The following UBE2O variants were observed in gnomAD, a reference collection of about 807,000 sequenced individuals.
The protein encoded by UBE2O is ubiquitin conjugating enzyme E2 O.
A neutral mutation model predicts 125.8 loss-of-function variants in UBE2O; 15 were observed. The observed-to-expected ratio is 0.12, with a 90% CI of 0.08 to 0.18. The LOEUF is 0.18. UBE2O is among the 10% of genes least tolerant of loss of function. The pLI is 1.00. For missense variants in UBE2O, 1,280 were observed against 1,723.6 expected (o/e 0.74, Z 4.56); for synonymous variants, 708 against 703.2 (o/e 1.01, Z -0.11).
chr17:76,445,579 TG>T (rs1378941416), intron 1 of UBE2O, among the ~76,000 whole-genome samples: 22 of 152,334 alleles, frequency 1.4e-4, no homozygotes, highest in African/African-American at 5.3e-4. Flanking sequence ...ACAGCCTACC[TG>T]TGTCTAGGGG....
At chr17:76,421,990 G>A (rs2072720065) in intron 1 of UBE2O, among the ~76,000 whole-genome samples, 1 of 152,188 alleles carries the variant, frequency 6.6e-6, no homozygotes, top group South Asian at 2.1e-4. Context: ...CCCAGGTGGA[G>A]GAAAATGGGA....
rs1308079377 is a variant in UBE2O at position 76,402,840 on chromosome 17, T to C, written c.589-141A>G. 9 of 681,408 alleles carry C rather than the reference T, an allele frequency of 1.3e-5. No individual in the cohort carries two copies. Among genetic ancestry groups the C allele is most frequent in the Non-Finnish European group, 2.3e-5 (9 of 386,452 alleles). 42.2% of individuals were successfully genotyped at this position (681,408 alleles called of 1,614,324 possible). A position where few individuals can be genotyped will look rare whatever the true frequency, so the allele number is the denominator to read the frequency against. On this transcript the variant is annotated intron_variant, in intron 3 of 17. Coordinates refer to ENST00000319380, the MANE Select transcript of UBE2O (RefSeq NM_022066.4). The surrounding 1 kb of genome is among the most constrained non-coding windows in gnomAD (Gnocchi z 5.4). ...GACTGGACCGGTTGGCTACTAGCCC[T>C]AAACAGCTGCTGCAGCAGGCCCTCC...
At chr17:76,442,196 C>T (rs1326155311) in intron 1 of UBE2O, among the ~76,000 whole-genome samples, 1 of 152,190 alleles carries the variant, frequency 6.6e-6, no homozygotes, top group East Asian at 1.9e-4. Flanking sequence ...GCCTGGGGAG[C>T]CCGCGACGGA....
chr17:76,391,581 C>T lies in UBE2O; in HGVS notation c.3241G>A (p.Glu1081Lys). 1 of 1,614,030 alleles carries T rather than the reference C, an allele frequency of 6.2e-7. No homozygotes were observed. The highest frequency in any genetic ancestry group is 1.7e-5 in the Admixed American group (1 of 60,018). ...LILVNEPYYN[E>K]AGFDSDRGLQ... The stretch of plus-strand genomic sequence containing the variant: ...CCTCGGTCACTGTCGAAGCCGGCTT[C>T]GTTGTAGTATGGTTCATTTACCAGG... The change falls in exon 18 of 18, where the codon GAA (glutamate) becomes AAA (lysine). Residue 1081 changes from glutamate (E) to lysine (K), a missense_variant. Around this residue, in one of 10 missense-constraint regions of UBE2O, gnomAD observed 37 missense variants for 115.6 expected, o/e 0.32. Coordinates refer to ENST00000319380, the MANE Select transcript of UBE2O (RefSeq NM_022066.4). The surrounding 1 kb of genome is among the most constrained non-coding windows in gnomAD (Gnocchi z 8.4).
chr17:76,416,035 A>G (rs1043154690), intron 1 of UBE2O, among the ~76,000 whole-genome samples: 19 of 142,648 alleles, frequency 1.3e-4, no homozygotes, highest in African/African-American at 1.6e-4. Context: ...ACACGTATAT[A>G]TGTGTGTGTA....
At chr17:76,415,826 T>TGTGTGTGTGC (rs1402880232) in intron 1 of UBE2O, among the ~76,000 whole-genome samples, 4 of 151,654 alleles carry the variant, frequency 2.6e-5, no homozygotes, top group African/African-American at 9.7e-5. Flanking sequence ...TGTGTGTGTG[T>TGTGTGTGTGC]GTGCATACAC....
Position 76,397,643 on chromosome 17 carries a change from C to T in UBE2O, c.2115+156G>A, listed in dbSNP as rs547840926. 9.2e-5 allele frequency among the ~76,000 whole-genome samples: 14 copies of T among 152,310 alleles called. No individual in the cohort carries two copies. The East Asian group carries it at 2.7e-3, about 29-fold the overall frequency. On this transcript the variant is annotated intron_variant, in intron 13 of 17. Coordinates refer to ENST00000319380, the MANE Select transcript of UBE2O (RefSeq NM_022066.4). The stretch of plus-strand genomic sequence containing the variant: ...CTGGTGGGCCAACTGCAGGCCTGCA[C>T]CAAGGGCTGTGTGGAATGCCTGCCT...
Position 76,390,636 on chromosome 17 carries a change from C to G in UBE2O, c.*307G>C. On this transcript the variant is annotated 3_prime_UTR_variant, in exon 18 of 18. Transcript: ENST00000319380. ...CAGGCCCTGGAACACCCGCCTCTGA[C>G]CTGAGAAGGGGCAGCAAGGGAGCAA... 1 of 295,126 alleles carries G rather than the reference C, an allele frequency of 3.4e-6. No homozygotes were observed. The allele number at this position is 295,126 out of a possible 1,614,324, so 18.3% of individuals were successfully genotyped here. A position where few individuals can be genotyped will look rare whatever the true frequency, so the allele number is the denominator to read the frequency against.
chr17:76,395,694 A>C lies in UBE2O; in HGVS notation c.2946+31T>G, dbSNP rs1404705854. 1.9e-6 allele frequency: 3 copies of C among 1,606,310 alleles called. No homozygotes were observed. Among genetic ancestry groups the C allele is most frequent in the Middle Eastern group, 1.7e-4 (1 of 6,028 alleles). On this transcript the variant is annotated intron_variant, in intron 15 of 17. Transcript: ENST00000319380. This position sits in a 1 kb window ranked among gnomAD's most constrained non-coding sequence, Gnocchi z 5.0. ...TGGGCACTGGGTGCCCACACAGCAC[A>C]TCTGCACCTGCCCATGCCAAGCCTA... is the stretch of plus-strand genomic sequence containing the variant.
At chr17:76,409,557 G>C (rs1039655424) in intron 1 of UBE2O, among the ~76,000 whole-genome samples, 1 of 152,074 alleles carries the variant, frequency 6.6e-6, no homozygotes, top group Non-Finnish European at 1.5e-5. Flanking sequence ...AACCATGCCC[G>C]GCTAATTTTT....
intron 1 of UBE2O, among the ~76,000 whole-genome samples, chr17:76,424,554 A>C (rs972018052): frequency 6.6e-6 from 1 of 152,050 alleles, no homozygotes; most frequent in Non-Finnish European, 1.5e-5. Flanking sequence ...GGTATCTTGG[A>C]TATATACTGA....
At chr17:76,415,845 A>G (rs2072594794) in intron 1 of UBE2O, among the ~76,000 whole-genome samples, 2 of 151,248 alleles carry the variant, frequency 1.3e-5, no homozygotes, top group South Asian at 4.2e-4. Flanking sequence ...ACATATATGT[A>G]TATACAAATA....
chr17:76,390,947 T>G lies in UBE2O; in HGVS notation c.3875A>C (p.Lys1292Thr). The stretch of plus-strand genomic sequence containing the variant: ...TCTTTCCTCTGTGCCTGGCAGCTAC[T>G]TGTCCTCTGTGCACTCCGGCATGCC... ...EAGMPECTEDK is the reference protein window; with the variant it reads ...EAGMPECTEDT The change falls in exon 18 of 18, where the codon AAG becomes ACG. Residue 1292 changes from lysine to threonine, a missense_variant. Coordinates refer to ENST00000319380, the MANE Select transcript of UBE2O (RefSeq NM_022066.4). 4 of 1,601,386 alleles carry G rather than the reference T, an allele frequency of 2.5e-6. No individual in the cohort carries two copies. The highest frequency in any genetic ancestry group is 2.6e-6 in the Non-Finnish European group (3 of 1,173,998).
chr17:76,428,260 G>A (rs891940676), intron 1 of UBE2O, among the ~76,000 whole-genome samples: 1 of 152,144 alleles, frequency 6.6e-6, no homozygotes, highest in Non-Finnish European at 1.5e-5. Flanking sequence ...ATCACACAAT[G>A]TGCCACAGGA....
intron 1 of UBE2O, among the ~76,000 whole-genome samples, chr17:76,435,587 G>C (rs2072983650): frequency 6.6e-6 from 1 of 152,170 alleles, no homozygotes; most frequent in Non-Finnish European, 1.5e-5. Flanking sequence ...CCCAGCAGCA[G>C]TGACCACTGG....
Position 76,390,876 on chromosome 17 carries a change from CG to C in UBE2O, c.*66del, listed in dbSNP as rs1177529104. 40 of 1,485,904 alleles carry C rather than the reference CG, an allele frequency of 2.7e-5. No individual in the cohort carries two copies. Among genetic ancestry groups the C allele is most frequent in the Admixed American group, 8.1e-5 (4 of 49,176 alleles). The allele number at this position is 1,485,904 out of a possible 1,614,324, so 92.0% of individuals were successfully genotyped here. On this transcript the variant is annotated 3_prime_UTR_variant, in exon 18 of 18. Transcript: ENST00000319380. ...AGGGGCATGGGAAGAGGGGTGATTCCGGGGGGGAGTGAGCAGGCGGCGGCTG... is the reference window on the plus strand; with the variant it reads ...AGGGGCATGGGAAGAGGGGTGATTCCGGGGGGAGTGAGCAGGCGGCGGCTG...
intron 1 of UBE2O, among the ~76,000 whole-genome samples, chr17:76,412,603 AG>A (rs1281950102): frequency 8.5e-5 from 13 of 152,148 alleles, no homozygotes; most frequent in Non-Finnish European, 1.5e-5. Context: ...CTGAGCTTGA[AG>A]GGTCTAGCTC....
In UBE2O at chr17:76,398,752, G is replaced by C; in HGVS notation, c.1783+85C>G. 6.5e-7 allele frequency: 1 copy of C among 1,549,474 alleles called. No individual in the cohort carries two copies. Among genetic ancestry groups the C allele is most frequent in the South Asian group, 1.2e-5 (1 of 83,314 alleles). ...GGACCTCATTTTAGCTCTGACCCCA[G>C]ATCCACTGCCCATTCTCCACAAGCC... On this transcript the variant is annotated intron_variant, in intron 10 of 17. Coordinates refer to ENST00000319380, the MANE Select transcript of UBE2O (RefSeq NM_022066.4). The surrounding 1 kb of genome is among the most constrained non-coding windows in gnomAD (Gnocchi z 5.4).
intron 1 of UBE2O, among the ~76,000 whole-genome samples, chr17:76,407,550 TG>T (rs1301491179): frequency 1.3e-5 from 2 of 152,156 alleles, no homozygotes; most frequent in Admixed American, 6.5e-5. Flanking sequence ...CTCCACCACT[TG>T]GGGGTCCCTG....
Sources: gnomAD v4.1 joint callset for allele counts (sites outside exome capture counted in the v4.1 genomes callset) on GRCh38, gnomAD v4.1.1 for gene constraint, gnomAD v4.1.1 regional missense constraint, Gnocchi (gnomAD v3.1) non-coding constraint, MANE v1.5 for transcripts, NCBI Gene and HGNC (gene_info 2026-07-23, HGNC 2026-07-21) for gene names.